SAXO2: variants seen among roughly 807,000 people sequenced by gnomAD.
SAXO2 encodes family with sequence similarity 154, member B.
SAXO2 carries 17 observed loss-of-function variants against 18.7 expected under a neutral mutation model. The ratio of observed to expected loss-of-function variants is 0.91; its 90% CI spans 0.62 to 1.36. The LOEUF (loss-of-function observed/expected upper bound fraction) is 1.36, where lower values mean the gene tolerates loss of function less well. Ranked by LOEUF, SAXO2 falls within the 40% of genes most tolerant of loss-of-function variation. The probability of loss-of-function intolerance (pLI) is 0.00; values close to 1 mark genes in which losing one functional copy is unlikely to be tolerated. For missense variants in SAXO2, 486 were observed against 562.6 expected (o/e 0.86, Z 1.38); for synonymous variants, 163 against 181.2 (o/e 0.90, Z 0.81).
At chr15:82,273,730 ATT>A (rs1346009640) in intron 3 of SAXO2, among the ~76,000 whole-genome samples, 2 of 151,840 alleles carry the variant, frequency 1.3e-5, no homozygotes, top group Non-Finnish European at 2.9e-5. Context: ...ATGAAAATGA[ATT>A]TGTTCTTTTT....
chr15:82,277,364 T>TA (rs1299640788), intron 3 of SAXO2, among the ~76,000 whole-genome samples: 1 of 152,148 alleles, frequency 6.6e-6, no homozygotes, highest in African/African-American at 2.4e-5. Flanking sequence ...GATATTATTT[T>TA]AAAAAATATG....
At chr15:82,275,470 CAAAAAG>C (rs2075307369) in intron 3 of SAXO2, among the ~76,000 whole-genome samples, 2 of 151,842 alleles carry the variant, frequency 1.3e-5, no homozygotes, top group Admixed American at 6.6e-5. Flanking sequence ...GACAAAAACA[CAAAAAG>C]AAAAAGAAAA....
intron 3 of SAXO2, chr15:82,272,120 T>G: frequency 3.8e-6 from 1 of 265,224 alleles, no homozygotes; most frequent in Non-Finnish European, 7.2e-6. Context: ...CACATTTAGT[T>G]GGCATTGTTC....
At chr15:82,273,586 A>G (rs1250636315) in intron 3 of SAXO2, among the ~76,000 whole-genome samples, 1 of 152,160 alleles carries the variant, frequency 6.6e-6, no homozygotes, top group East Asian at 1.9e-4. Flanking sequence ...CTACACAAAG[A>G]ACAAATTGTG....
intron 2 of SAXO2, among the ~76,000 whole-genome samples, chr15:82,267,470 C>A (rs149546743): frequency 6.6e-6 from 1 of 152,222 alleles, no homozygotes; most frequent in African/African-American, 2.4e-5. Flanking sequence ...TTCACTTTTC[C>A]CCTTAGCTTA....
chr15:82,282,689 A>G lies in SAXO2; in HGVS notation c.1004A>G (p.Asn335Ser). Residue 335 changes from asparagine to serine, a missense_variant, in exon 4 of 4, where the codon AAC (asparagine) becomes AGC (serine). Transcript: ENST00000682753. ...PIRPVSQKRS[N>S]NFPFQGKSIM... ...AGGCCAGTTTCTCAAAAAAGAAGTA[A>G]CAATTTTCCTTTCCAAGGAAAAAGC... 1.2e-6 allele frequency: 2 copies of G among 1,614,172 alleles called. No homozygotes were observed. Among genetic ancestry groups the G allele is most frequent in the Non-Finnish European group, 8.5e-7 (1 of 1,180,020 alleles).
rs150372195 is a variant in SAXO2 at position 82,271,703 on chromosome 15, C to T, written c.334C>T (p.Arg112Trp). 16 of 1,614,022 alleles carry T rather than the reference C, an allele frequency of 9.9e-6. No homozygotes were observed. Among genetic ancestry groups the T allele is most frequent in the African/African-American group, 9.3e-5 (7 of 75,014 alleles). The stretch of plus-strand genomic sequence containing the variant: ...GATTGATCTTGGTACTACCTACAAA[C>T]GGGATTTGAATTCGTATAAAGTGCA... ...GKIDLGTTYK[R>W]DLNSYKVQPV... Residue 112 changes from arginine (R) to tryptophan (W), a missense_variant, in exon 3 of 4, where the codon CGG (arginine) becomes TGG (tryptophan). Arg to Trp is a moderately radical substitution (Grantham distance 101). Transcript: ENST00000682753.
Position 82,282,202 on chromosome 15 carries a change from A to G in SAXO2, c.517A>G (p.Asn173Asp), listed in dbSNP as rs1174409618. 1 of 1,614,000 alleles carries G rather than the reference A, an allele frequency of 6.2e-7. No homozygotes were observed. Among genetic ancestry groups the G allele is most frequent in the Non-Finnish European group, 8.5e-7 (1 of 1,179,960 alleles). Residue 173 changes from asparagine (N) to aspartate (D), a missense_variant, in exon 4 of 4, where the codon AAT becomes GAT. Physicochemically the swap from Asn to Asp is conservative, Grantham distance 23. Transcript: ENST00000682753. ...CCACCCGCCTACTGTGAAATTTGGAAATTCAACTACATTTCAGGATGATTT... is the reference window on the plus strand; with the variant it reads ...CCACCCGCCTACTGTGAAATTTGGAGATTCAACTACATTTCAGGATGATTT... ...TYHPPTVKFG[N>D]STTFQDDFVP...
chr15:82,282,837 G>T lies in SAXO2; in HGVS notation c.1152G>T (p.Val384=), dbSNP rs187874136. 6 of 1,613,906 alleles carry T rather than the reference G, an allele frequency of 3.7e-6. No homozygotes were observed. In the Admixed American group the frequency reaches 8.3e-5, roughly 22 times the overall value. ...DGLSTFRSHY[V]PHELIPTESC... The stretch of plus-strand genomic sequence containing the variant: ...TGAGCACTTTCAGATCTCACTATGT[G>T]CCACATGAATTGATCCCAACAGAGA... The change falls in exon 4 of 4, where the codon GTG becomes GTT. Residue 384 remains valine (V), a synonymous_variant. Transcript: ENST00000682753.
intron 2 of SAXO2, among the ~76,000 whole-genome samples, chr15:82,267,868 T>C (rs781144870): frequency 3.3e-5 from 5 of 152,156 alleles, no homozygotes; most frequent in Admixed American, 2.0e-4. Flanking sequence ...AAAGAGCCAG[T>C]AGATAATAGA....
chr15:82,265,016 G>A (rs1368650453), intron 1 of SAXO2: 27 of 459,520 alleles, frequency 5.9e-5, no homozygotes, highest in Non-Finnish European at 1.0e-4. Flanking sequence ...AGCTTCTATA[G>A]TGTAAGAAGA....
rs550515297 is a variant in SAXO2 at position 82,282,319 on chromosome 15, C to T, written c.634C>T (p.Arg212Cys). The T allele has an allele frequency of 5.3e-5, 86 of 1,614,152 alleles. No individual in the cohort carries two copies. Among genetic ancestry groups the T allele is most frequent in the South Asian group, 5.1e-4 (46 of 91,068 alleles). Residue 212 changes from arginine (R) to cysteine (C), a missense_variant, in exon 4 of 4, where the codon CGC (arginine) becomes TGC (cysteine). Physicochemically the swap from Arg to Cys is radical, Grantham distance 180 (BLOSUM62 -3). Coordinates refer to ENST00000682753, the MANE Select transcript of SAXO2 (RefSeq NM_001348699.2). The stretch of plus-strand genomic sequence containing the variant: ...CCCTTTTAATGGTATTACAAGTCAT[C>T]GCCTTGATTATATACCTCATCAGCT... ...TAPFNGITSHRLDYIPHQLEL... is the reference protein window; with the variant it reads ...TAPFNGITSHCLDYIPHQLEL...
chr15:82,264,451 C>T (rs1459030044), intron 1 of SAXO2, among the ~76,000 whole-genome samples: 2 of 151,706 alleles, frequency 1.3e-5, no homozygotes, highest in Non-Finnish European at 2.9e-5. Flanking sequence ...ACAATCTCAC[C>T]AACTTCCAAT....
chr15:82,269,381 A>G (rs2075249321), intron 2 of SAXO2, among the ~76,000 whole-genome samples: 1 of 152,260 alleles, frequency 6.6e-6, no homozygotes, highest in Admixed American at 6.5e-5. Flanking sequence ...AAGTAGAGAG[A>G]GAGAGTAGCT....
In SAXO2 at chr15:82,262,948, T is replaced by A. The variant is rs777176500; in HGVS notation, c.53+16T>A. 1 of 1,588,864 alleles carries A rather than the reference T, an allele frequency of 6.3e-7. No individual in the cohort carries two copies. Among genetic ancestry groups the A allele is most frequent in the Admixed American group, 1.8e-5 (1 of 55,846 alleles). ...GTAGCTGCGGGTAAGAAACGGCTGG[T>A]GTAGCGGCGGGCCCGGGCTTGGGAG... On this transcript the variant is annotated intron_variant, in intron 1 of 3. Coordinates refer to ENST00000682753, the MANE Select transcript of SAXO2 (RefSeq NM_001348699.2).
Position 82,271,713 on chromosome 15 carries a change from A to G in SAXO2, c.344A>G (p.Asn115Ser). 1.2e-6 allele frequency: 2 copies of G among 1,614,170 alleles called. No homozygotes were observed. Among genetic ancestry groups the G allele is most frequent in the Non-Finnish European group, 1.7e-6 (2 of 1,180,006 alleles). The change falls in exon 3 of 4, where the codon AAT becomes AGT. Residue 115 changes from asparagine to serine, a missense_variant. Transcript: ENST00000682753. ...DLGTTYKRDLNSYKVQPVAIV... is the reference protein window; with the variant it reads ...DLGTTYKRDLSSYKVQPVAIV... Reference sequence around the variant, plus strand: ...GGTACTACCTACAAACGGGATTTGAATTCGTATAAAGTGCAGCCTGTGGCA... The same window carrying G: ...GGTACTACCTACAAACGGGATTTGAGTTCGTATAAAGTGCAGCCTGTGGCA...
chr15:82,279,196 G>T (rs889387732), intron 3 of SAXO2, among the ~76,000 whole-genome samples: 1 of 152,060 alleles, frequency 6.6e-6, no homozygotes, highest in Non-Finnish European at 1.5e-5. Flanking sequence ...AAAGAGAATA[G>T]ACCTTATAGA....
chr15:82,278,028 A>AT (rs2075330450), intron 3 of SAXO2, among the ~76,000 whole-genome samples: 2 of 152,146 alleles, frequency 1.3e-5, no homozygotes, highest in Non-Finnish European at 1.5e-5. Context: ...AGAAAAAAAA[A>AT]AGCAGGAAGC....
chr15:82,280,395 C>T (rs534666943), intron 3 of SAXO2, among the ~76,000 whole-genome samples: 2 of 152,166 alleles, frequency 1.3e-5, no homozygotes, highest in Middle Eastern at 3.4e-3. Flanking sequence ...GAACTATAAA[C>T]CTTCAATAAC....
Sources: allele counts gnomAD v4.1 joint callset (sites outside exome capture counted in the v4.1 genomes callset), GRCh38; gene constraint gnomAD v4.1.1; transcripts MANE v1.5; gene names NCBI Gene and HGNC (gene_info 2026-07-23, HGNC 2026-07-21).